Variants in CNBD1 observed in about 807,000 individuals in gnomAD.
The protein encoded by CNBD1 is cyclic nucleotide binding domain containing 1.
In CNBD1, 71 loss-of-function variants were observed where a neutral mutation model predicts 54.4. That is an observed-to-expected ratio of 1.30 (90% CI 1.08 to 1.59). CNBD1 has a LOEUF of 1.59. Ranked by LOEUF, CNBD1 falls within the 40% of genes most tolerant of loss-of-function variation. The pLI, the probability that CNBD1 is intolerant of heterozygous loss-of-function variation, is 0.00. For missense variants in CNBD1, 659 were observed against 518.0 expected, an observed-to-expected ratio of 1.27 and a Z score of -2.64; for synonymous variants, 182 against 170.7, an observed-to-expected ratio of 1.07 and a Z score of -0.51.
chr8:87,030,233 G>A (rs1009547249), intron 4 of CNBD1, among the ~76,000 whole-genome samples: 2 of 152,082 alleles, frequency 1.3e-5, no homozygotes, highest in Non-Finnish European at 2.9e-5. Context: ...CTTTGCAGTT[G>A]AATGAGATAT....
intron 4 of CNBD1, among the ~76,000 whole-genome samples, chr8:86,964,595 C>A (rs1808021712): frequency 6.6e-6 from 1 of 152,178 alleles, no homozygotes; most frequent in Non-Finnish European, 1.5e-5. Context: ...TTGCTGTAAG[C>A]CCTGAAGAGA....
At chr8:86,973,480 C>T (rs1808270882) in intron 4 of CNBD1, among the ~76,000 whole-genome samples, 2 of 152,078 alleles carry the variant, frequency 1.3e-5, no homozygotes, top group African/African-American at 4.8e-5. Context: ...TTTGCCATGG[C>T]TTACATATAA....
intron 4 of CNBD1, among the ~76,000 whole-genome samples, chr8:87,078,625 T>C (rs912524016): frequency 1.3e-5 from 2 of 152,172 alleles, no homozygotes; most frequent in Admixed American, 1.3e-4. Flanking sequence ...TTTGCTGCAG[T>C]TGGAAACAGA....
chr8:86,910,379 T>C (rs771415390), intron 3 of CNBD1, among the ~76,000 whole-genome samples: 235 of 152,246 alleles, frequency 1.5e-3, no homozygotes, highest in Non-Finnish European at 2.2e-3. Context: ...TTTGAACTTG[T>C]AACACCTGTA....
chr8:87,277,639 A>G (rs1199274447), intron 6 of CNBD1, among the ~76,000 whole-genome samples: 2 of 151,734 alleles, frequency 1.3e-5, no homozygotes, highest in Non-Finnish European at 3.0e-5. Flanking sequence ...ATGTCAGTCT[A>G]TCAGTTGAAA....
chr8:87,223,149 C>A (rs930673806), intron 5 of CNBD1, among the ~76,000 whole-genome samples: 2 of 150,376 alleles, frequency 1.3e-5, no homozygotes, highest in African/African-American at 4.9e-5. Context: ...CAATAGCCAT[C>A]AAGTTTGCCA....
intron 8 of CNBD1, among the ~76,000 whole-genome samples, chr8:87,294,400 T>G (rs1808838242): frequency 6.6e-6 from 1 of 152,154 alleles, no homozygotes; most frequent in Non-Finnish European, 1.5e-5. Context: ...GGATGTCAGT[T>G]TAAACACACA....
At chr8:87,315,071 G>C (rs1438122612) in intron 8 of CNBD1, among the ~76,000 whole-genome samples, 4 of 152,034 alleles carry the variant, frequency 2.6e-5, no homozygotes, top group Admixed American at 6.6e-5. Flanking sequence ...TCAAAATACT[G>C]AGAGATTGGA....
At chr8:87,397,038 G>A (rs1342580167) in intron 2 of CNBD1, among the ~76,000 whole-genome samples, 1 of 151,086 alleles carries the variant, frequency 6.6e-6, no homozygotes, top group East Asian at 1.9e-4. Flanking sequence ...GGTTTTAGAG[G>A]CAAGCTTTTA....
intron 5 of CNBD1, among the ~76,000 whole-genome samples, chr8:87,231,170 A>G (rs1161924620): frequency 1.3e-5 from 2 of 152,144 alleles, no homozygotes; most frequent in Non-Finnish European, 2.9e-5. Context: ...TATATCATAA[A>G]CATGTATTCA....
intron 6 of CNBD1, among the ~76,000 whole-genome samples, chr8:87,249,247 T>G (rs1380564550): frequency 4.6e-5 from 7 of 152,178 alleles, no homozygotes; most frequent in Admixed American, 4.6e-4. Context: ...ATAGGGTTCA[T>G]GCTCCTATAA....
At chr8:87,044,382 A>T (rs1263459308) in intron 4 of CNBD1, 3 of 151,986 alleles carry the variant, frequency 2.0e-5, no homozygotes, top group African/African-American at 4.8e-5. Context: ...GTTTAGGGTC[A>T]TTGGTCATGT....
intron 4 of CNBD1, among the ~76,000 whole-genome samples, chr8:87,133,493 A>G (rs1013873570): frequency 6.6e-6 from 1 of 152,164 alleles, no homozygotes; most frequent in Non-Finnish European, 1.5e-5. Context: ...ATAAATTACC[A>G]TAAGGTAGGT....
chr8:86,969,799 C>T (rs201365795), intron 4 of CNBD1, among the ~76,000 whole-genome samples: 97,887 of 140,862 alleles, frequency 0.69, 33,974 homozygotes, highest in East Asian at 0.91. Context: ...TATATACACA[C>T]ACACACACAC....
At chr8:87,206,416 T>C (rs1813978099) in intron 5 of CNBD1, among the ~76,000 whole-genome samples, 1 of 152,172 alleles carries the variant, frequency 6.6e-6, no homozygotes, top group Non-Finnish European at 1.5e-5. Flanking sequence ...TTGTCGGGTT[T>C]AAACATCAGA....
chr8:87,190,805 C>T (rs771903685), intron 4 of CNBD1, among the ~76,000 whole-genome samples: 2 of 144,206 alleles, frequency 1.4e-5, no homozygotes, highest in Non-Finnish European at 3.0e-5. Flanking sequence ...TCAGGATTCT[C>T]CAGAGGTACA....
chr8:86,874,278 G>A (rs950064247), intron 1 of CNBD1, among the ~76,000 whole-genome samples: 2 of 152,084 alleles, frequency 1.3e-5, no homozygotes, highest in Non-Finnish European at 2.9e-5. Context: ...CTTGATACTG[G>A]GAGACAACAA....
intron 3 of CNBD1, among the ~76,000 whole-genome samples, chr8:86,911,097 C>T (rs1433803148): frequency 1.3e-5 from 2 of 152,180 alleles, no homozygotes; most frequent in Non-Finnish European, 2.9e-5. Context: ...TTCTACTGTA[C>T]ATGTGGTGAC....
At chr8:87,361,278 T>C (rs998062867) in intron 10 of CNBD1, among the ~76,000 whole-genome samples, 8 of 151,914 alleles carry the variant, frequency 5.3e-5, no homozygotes, top group African/African-American at 1.9e-4. Context: ...CAAAGTTGAG[T>C]GAAATGTTTT....
Sources: allele counts gnomAD v4.1 joint callset (sites outside exome capture counted in the v4.1 genomes callset), GRCh38; gene constraint gnomAD v4.1.1; transcripts MANE v1.5; gene names NCBI Gene and HGNC (gene_info 2026-07-23, HGNC 2026-07-21).